The following DMD variants were observed in gnomAD, a reference collection of about 807,000 sequenced individuals.
DMD encodes mutant dystrophin.
Under a neutral mutation model 330.1 loss-of-function variants are expected in DMD, and 63 were observed. That is an observed-to-expected ratio of 0.19 (90% CI 0.16 to 0.24). The LOEUF (loss-of-function observed/expected upper bound fraction) is 0.24, where lower values mean the gene tolerates loss of function less well. Among genes scored for constraint, DMD ranks in the 10% least tolerant of loss-of-function variants. The pLI, the probability that DMD is intolerant of heterozygous loss-of-function variation, is 1.00. For missense variants in DMD, 3,344 were observed against 2,684.1 expected (o/e 1.25, Z -5.43); for synonymous variants, 1,223 against 959.8 (o/e 1.27, Z -5.07).
intron 54 of DMD, among the ~76,000 whole-genome samples, chrX:31,657,416 A>C (rs747003787): frequency 8.9e-6 from 1 of 112,105 alleles, no homozygotes; most frequent in African/African-American, 3.2e-5. Context: ...CTAGTGAAAA[A>C]AGCACTAGAG....
At chrX:32,474,224 C>A (rs1006392281) in intron 21 of DMD, among the ~76,000 whole-genome samples, 17 of 110,605 alleles carry the variant, frequency 1.5e-4, no homozygotes, top group Non-Finnish European at 7.6e-5. Context: ...CACACACACA[C>A]ACACACACAC....
intron 63 of DMD, 89 bp downstream of exon 63, chrX:31,260,866 T>A: frequency 1.2e-6 from 1 of 850,166 alleles, no homozygotes; most frequent in Non-Finnish European, 1.7e-6. Flanking sequence ...GTGATGTATT[T>A]ATATAGCAAG....
chrX:32,888,956 C>T (rs1414147792), intron 2 of DMD, among the ~76,000 whole-genome samples: 1 of 109,825 alleles, frequency 9.1e-6, no homozygotes, highest in Non-Finnish European at 1.9e-5. Context: ...AATATAGACA[C>T]TATTTTCTCC....
intron 1 of DMD, among the ~76,000 whole-genome samples, chrX:33,264,415 A>G (rs2053009151): frequency 9.0e-6 from 1 of 111,034 alleles, no homozygotes. Flanking sequence ...ATCAGCAAAA[A>G]TTATCAGTTC....
intron 1 of DMD, among the ~76,000 whole-genome samples, chrX:33,150,497 C>G (rs55864082): frequency 0.056 from 6,074 of 109,139 alleles, 195 homozygotes; most frequent in South Asian, 0.19. Context: ...TTTCGCCATA[C>G]TGGCCAGGTT....
chrX:31,908,498 C>T (rs1449740529), intron 47 of DMD, among the ~76,000 whole-genome samples: 1 of 105,965 alleles, frequency 9.4e-6, no homozygotes, highest in Non-Finnish European at 1.9e-5. Flanking sequence ...TGTCCTCACT[C>T]ATAGGTGGGA....
At chrX:32,578,251 T>C (rs1021449116) in intron 13 of DMD, among the ~76,000 whole-genome samples, 3 of 112,506 alleles carry the variant, frequency 2.7e-5, no homozygotes, top group Non-Finnish European at 5.6e-5. Flanking sequence ...TATTTACGTA[T>C]AGGAATCCCT....
intron 30 of DMD, among the ~76,000 whole-genome samples, chrX:32,394,929 A>G (rs1457948080): frequency 5.4e-5 from 5 of 92,632 alleles, no homozygotes; most frequent in African/African-American, 7.4e-5. Flanking sequence ...AAAAAAAAAA[A>G]AAAAGAAAAG....
At chrX:33,165,749 T>C (rs1181691613) in intron 1 of DMD, among the ~76,000 whole-genome samples, 2 of 111,231 alleles carry the variant, frequency 1.8e-5, no homozygotes, top group African/African-American at 6.5e-5. Flanking sequence ...ACCAAATAAG[T>C]AGTAAACAAA....
intron 62 of DMD, among the ~76,000 whole-genome samples, chrX:31,294,262 G>A (rs1442030262): frequency 8.9e-6 from 1 of 111,810 alleles, no homozygotes; most frequent in Non-Finnish European, 1.9e-5. Context: ...CAGTTTCCAA[G>A]TCTGTGGGAA....
intron 48 of DMD, among the ~76,000 whole-genome samples, chrX:31,841,085 G>T (rs914280608): frequency 1.8e-5 from 2 of 111,596 alleles, no homozygotes; most frequent in African/African-American, 3.3e-5. Flanking sequence ...TGAATGCAAA[G>T]GAAAAATTCT....
At chrX:31,303,882 T>C (rs2054835337) in intron 62 of DMD, among the ~76,000 whole-genome samples, 1 of 112,233 alleles carries the variant, frequency 8.9e-6, no homozygotes. Flanking sequence ...ATTCCCTGGC[T>C]ATACTTTGGA....
chrX:31,401,357 T>G (rs780070369), intron 60 of DMD, among the ~76,000 whole-genome samples: 9 of 112,176 alleles, frequency 8.0e-5, no homozygotes, highest in Non-Finnish European at 1.5e-4. Flanking sequence ...TGTGGAATAT[T>G]TATTTAATTG....
intron 17 of DMD, among the ~76,000 whole-genome samples, chrX:32,540,583 C>T (rs983722932): frequency 3.6e-5 from 4 of 111,652 alleles, no homozygotes; most frequent in African/African-American, 1.3e-4. Flanking sequence ...ATTTTAGTTA[C>T]TGCAATTATT....
At chrX:33,221,236 C>T (rs6631759) in intron 1 of DMD, among the ~76,000 whole-genome samples, 8,795 of 110,864 alleles carry the variant, frequency 0.079, 640 homozygotes, top group East Asian at 0.5. Context: ...AGGTCCCTGC[C>T]CTCAAATAGA....
At chrX:32,472,599 C>G (rs1377791324) in intron 21 of DMD, among the ~76,000 whole-genome samples, 5 of 110,364 alleles carry the variant, frequency 4.5e-5, no homozygotes, top group Non-Finnish European at 9.5e-5. Context: ...GGGCAGGAAA[C>G]AGAAAAACAG....
At chrX:32,173,304 T>G (rs1407721728) in intron 44 of DMD, among the ~76,000 whole-genome samples, 1 of 110,556 alleles carries the variant, frequency 9.0e-6, no homozygotes, top group Non-Finnish European at 1.9e-5. Context: ...CATAGAGGTG[T>G]TTTTAGTAAA....
chrX:33,051,793 C>G (rs758471575), intron 1 of DMD, among the ~76,000 whole-genome samples: 1 of 108,401 alleles, frequency 9.2e-6, no homozygotes, highest in South Asian at 4.1e-4. Context: ...GGACTACAGG[C>G]AAGTGCCACC....
At chrX:31,547,551 A>G (rs1299860991) in intron 55 of DMD, among the ~76,000 whole-genome samples, 1 of 111,456 alleles carries the variant, frequency 9.0e-6, no homozygotes, top group African/African-American at 3.3e-5. Flanking sequence ...GTTGCCCTGT[A>G]CTCTCTTAGT....
Sources: allele counts gnomAD v4.1 joint callset (sites outside exome capture counted in the v4.1 genomes callset), GRCh38; gene constraint gnomAD v4.1.1; transcripts MANE v1.5; gene names NCBI Gene and HGNC (gene_info 2026-07-23, HGNC 2026-07-21).